UGT1A7: variants seen among roughly 807,000 people sequenced by gnomAD.
UGT1A7 encodes the protein UDP glucuronosyltransferase family 1 member A7, also known as UDP-glucuronosyltransferase 1A7.
UGT1A7 carries 33 observed loss-of-function variants against 45.6 expected under a neutral mutation model. That is an observed-to-expected ratio of 0.72 (90% CI 0.55 to 0.97). The LOEUF (loss-of-function observed/expected upper bound fraction) is 0.97, where lower values mean the gene tolerates loss of function less well. Among genes scored for constraint, UGT1A7 ranks in the 50% least tolerant of loss-of-function variants. UGT1A7 has a pLI of 0.00. For missense variants in UGT1A7, 684 were observed against 666.2 expected (o/e 1.03, Z -0.29); for synonymous variants, 274 against 250.6 (o/e 1.09, Z -0.88).
intron 1 of UGT1A7, among the ~76,000 whole-genome samples, chr2:233,690,222 A>G (rs186442417): frequency 7.9e-5 from 12 of 152,318 alleles, no homozygotes; most frequent in African/African-American, 2.2e-4. Context: ...CCATTTTAGT[A>G]TTCTAGATTC....
chr2:233,712,298 G>T (rs1192832696), intron 1 of UGT1A7, among the ~76,000 whole-genome samples: 3 of 152,338 alleles, frequency 2.0e-5, no homozygotes, highest in East Asian at 1.9e-4. Context: ...CCATGGTGTA[G>T]ATGGAGAATC....
rs757592840 is a variant in UGT1A7, at chr2:233,693,218, T to C, written c.855+10426T>C. On this transcript the variant is annotated intron_variant, in intron 1 of 4. Transcript: ENST00000373426. The stretch of plus-strand genomic sequence containing the variant: ...TAATTTGCTTTTGAAAGAATCCAAA[T>C]ACTACACAAGAAAAATCTATCCAGT... The C allele has an allele frequency of 3.7e-6, 6 of 1,614,046 alleles. No homozygotes were observed. In the African/African-American group the frequency reaches 8.0e-5, roughly 22 times the overall value.
At chr2:233,751,292 A>C (rs1369040584) in intron 1 of UGT1A7, among the ~76,000 whole-genome samples, 1 of 151,886 alleles carries the variant, frequency 6.6e-6, no homozygotes, top group East Asian at 1.9e-4. Flanking sequence ...TCCCATTTGG[A>C]ATGGGAATAT....
chr2:233,754,718 T>C (rs548415116), intron 1 of UGT1A7: 30 of 561,924 alleles, frequency 5.3e-5, no homozygotes, highest in African/African-American at 4.6e-4. Flanking sequence ...TGAAGCTGCC[T>C]GTCCCATCAC....
intron 1 of UGT1A7, chr2:233,718,713 C>T (rs2076677661): frequency 2.5e-6 from 4 of 1,607,198 alleles, no homozygotes; most frequent in Non-Finnish European, 1.7e-6. Context: ...CTTCCAATTA[C>T]ATGCTGATTT....
chr2:233,734,202 G>T (rs1345683418), intron 1 of UGT1A7, among the ~76,000 whole-genome samples: 1 of 152,060 alleles, frequency 6.6e-6, no homozygotes, highest in Non-Finnish European at 1.5e-5. Context: ...CAATTTCAGA[G>T]CCTGTTGTTG....
At chr2:233,696,988 G>T (rs914918936) in intron 1 of UGT1A7, among the ~76,000 whole-genome samples, 5 of 152,034 alleles carry the variant, frequency 3.3e-5, no homozygotes, top group Non-Finnish European at 1.5e-5. Context: ...CTGGTGTTTC[G>T]TTGAGATTTT....
intron 1 of UGT1A7, chr2:233,741,740 C>T (rs1158976781): frequency 6.6e-6 from 1 of 151,864 alleles, no homozygotes; most frequent in Non-Finnish European, 1.5e-5. Flanking sequence ...CCATATCACA[C>T]TCTTTGTTGG....
At chr2:233,760,894 C>T (rs1697601712) in intron 1 of UGT1A7, 6 of 1,614,174 alleles carry the variant, frequency 3.7e-6, no homozygotes, top group Non-Finnish European at 5.1e-6. Flanking sequence ...TCATTCAGAT[C>T]ACATGACCTT....
chr2:233,694,362 G>T (rs907491363), intron 1 of UGT1A7, among the ~76,000 whole-genome samples: 4 of 151,882 alleles, frequency 2.6e-5, no homozygotes, highest in Non-Finnish European at 5.9e-5. Context: ...GCTAAGAATG[G>T]TTTTTGTAGT....
At position 233,772,550 on chromosome 2, in the gene UGT1A7, G is replaced by A. The variant is rs762374323; in HGVS notation, c.1584G>A (p.Lys528=). The change falls in exon 5 of 5, where the codon AAG becomes AAA. Residue 528 remains lysine, a synonymous_variant. Transcript: ENST00000373426. ...GAGTTAAGAAAGCCCACAAATCCAA[G>A]ACCCATTGAGAAGTGGGTGGGAAAT... ...KGRVKKAHKS[K]TH 21 of 1,613,880 alleles carry A rather than the reference G, an allele frequency of 1.3e-5. No homozygotes were observed. The highest frequency in any genetic ancestry group is 1.5e-5 in the Non-Finnish European group (18 of 1,179,970).
chr2:233,693,626 C>T lies in UGT1A7; in HGVS notation c.855+10834C>T, dbSNP rs571650145. 6.3e-5 allele frequency: 101 copies of T among 1,614,196 alleles called. 1 individual carries two copies. The highest frequency in any genetic ancestry group is 6.1e-4 in the South Asian group (56 of 91,072). On this transcript the variant is annotated intron_variant, in intron 1 of 4. Coordinates refer to ENST00000373426, the MANE Select transcript of UGT1A7 (RefSeq NM_019077.3). Reference sequence around the variant, plus strand: ...TTCAGACCACATGACTTTTTCCCAACGAGTGGCCAACTTCCTTGTTAATTT... The same window carrying T: ...TTCAGACCACATGACTTTTTCCCAATGAGTGGCCAACTTCCTTGTTAATTT...
At chr2:233,749,889 C>G (rs1694294053) in intron 1 of UGT1A7, among the ~76,000 whole-genome samples, 1 of 151,896 alleles carries the variant, frequency 6.6e-6, no homozygotes. Context: ...TCCTGAGGCT[C>G]CCCCCTCCAG....
chr2:233,745,050 TTTATTTGTA>T (rs1253240051), intron 1 of UGT1A7, among the ~76,000 whole-genome samples: 6 of 151,926 alleles, frequency 3.9e-5, no homozygotes, highest in South Asian at 2.1e-4. Context: ...GTATTGGTTT[TTTATTTGTA>T]TTATTTGTAT....
intron 1 of UGT1A7, chr2:233,748,212 G>A (rs1693895532): frequency 2.0e-6 from 3 of 1,495,994 alleles, no homozygotes; most frequent in Non-Finnish European, 2.7e-6. Flanking sequence ...ATAGCCTTCA[G>A]TGAGATAAAC....
intron 1 of UGT1A7, chr2:233,747,457 T>A: frequency 6.2e-7 from 1 of 1,608,932 alleles, no homozygotes; most frequent in South Asian, 1.1e-5. Flanking sequence ...ACCTATGCCA[T>A]TTCATGGACC....
chr2:233,746,532 C>T (rs1693419043), intron 1 of UGT1A7, among the ~76,000 whole-genome samples: 1 of 151,756 alleles, frequency 6.6e-6, no homozygotes, highest in South Asian at 2.1e-4. Context: ...CATATTGCTG[C>T]CCTGCTGTGT....
chr2:233,687,852 A>G (rs1207002095), intron 1 of UGT1A7, among the ~76,000 whole-genome samples: 3 of 152,162 alleles, frequency 2.0e-5, no homozygotes, highest in Non-Finnish European at 4.4e-5. Context: ...AGGCTGCAGT[A>G]AGCCATGACT....
chr2:233,756,867 A>G (rs1696345669), intron 1 of UGT1A7, among the ~76,000 whole-genome samples: 1 of 152,076 alleles, frequency 6.6e-6, no homozygotes, highest in African/African-American at 2.4e-5. Flanking sequence ...CATAAAGGGT[A>G]TTAGGTGTAA....
Sources: allele counts gnomAD v4.1 joint callset (sites outside exome capture counted in the v4.1 genomes callset), GRCh38; gene constraint gnomAD v4.1.1; transcripts MANE v1.5; gene names NCBI Gene and HGNC (gene_info 2026-07-23, HGNC 2026-07-21).